The following RIMS1 variants were observed in gnomAD, a reference collection of about 807,000 sequenced individuals.
The protein encoded by RIMS1 is regulating synaptic membrane exocytosis 1.
Under a neutral mutation model 214.1 loss-of-function variants are expected in RIMS1, and 83 were observed. The observed-to-expected ratio is 0.39, with a 90% CI of 0.32 to 0.47. The LOEUF (loss-of-function observed/expected upper bound fraction) is 0.47, where lower values mean the gene tolerates loss of function less well. Among genes scored for constraint, RIMS1 ranks in the 20% least tolerant of loss-of-function variants. The pLI, the probability that RIMS1 is intolerant of heterozygous loss-of-function variation, is 0.99. For synonymous variants in RIMS1, 793 were observed against 786.8 expected, an observed-to-expected ratio of 1.01 and a Z score of -0.13; for missense variants, 2,050 against 2,161.8, an observed-to-expected ratio of 0.95 and a Z score of 1.03.
intron 4 of RIMS1, among the ~76,000 whole-genome samples, chr6:72,119,727 A>G (rs1226225571): frequency 6.6e-6 from 1 of 151,688 alleles, no homozygotes; most frequent in Non-Finnish European, 1.5e-5. Context: ...ATATGTATAC[A>G]TGTACCATGT....
At chr6:72,294,620 G>C (rs1169389742) in intron 26 of RIMS1, among the ~76,000 whole-genome samples, 1 of 151,542 alleles carries the variant, frequency 6.6e-6, no homozygotes. Context: ...ATGTATGCCA[G>C]GACAATTTGA....
At chr6:72,006,288 A>G (rs1394297779) in intron 2 of RIMS1, among the ~76,000 whole-genome samples, 1 of 152,160 alleles carries the variant, frequency 6.6e-6, no homozygotes, top group Non-Finnish European at 1.5e-5. Flanking sequence ...GTTGCAACTT[A>G]GTTAGGGTTT....
chr6:72,098,029 G>A (rs2032355450), intron 3 of RIMS1, among the ~76,000 whole-genome samples: 2 of 152,152 alleles, frequency 1.3e-5, no homozygotes, highest in African/African-American at 4.8e-5. Context: ...TTACAAGCAT[G>A]TAGCTAAAGA....
intron 6 of RIMS1, among the ~76,000 whole-genome samples, chr6:72,219,710 C>G (rs556526985): frequency 6.6e-6 from 1 of 151,746 alleles, no homozygotes; most frequent in East Asian, 1.9e-4. Context: ...GGCTGTTAGC[C>G]CTGCAATGTT....
chr6:71,971,040 G>A (rs550650103), intron 2 of RIMS1, among the ~76,000 whole-genome samples: 5 of 152,160 alleles, frequency 3.3e-5, no homozygotes, highest in African/African-American at 1.2e-4. Flanking sequence ...AAAAATAAAA[G>A]ATAATAGAAA....
In RIMS1 at chr6:72,242,421, G is replaced by C. The variant is rs1347951177; in HGVS notation, c.2065G>C (p.Val689Leu). The C allele has an allele frequency of 6.4e-6, 10 of 1,558,832 alleles. No individual in the cohort carries two copies. Among genetic ancestry groups the C allele is most frequent in the Non-Finnish European group, 7.0e-6 (8 of 1,149,784 alleles). The change falls in exon 10 of 34, where the codon GTT becomes CTT. Residue 689 changes from valine to leucine, a missense_variant. Transcript: ENST00000521978. ...ATCAGAACCTCAAGTTGAAATTATT[G>C]TTTCAAGGCCTATTGGGTAAGGCTA... ...SKSEPQVEIIVSRPIGDIPRI... is the reference protein window; with the variant it reads ...SKSEPQVEIILSRPIGDIPRI...
At chr6:71,974,957 G>A (rs1287202246) in intron 2 of RIMS1, among the ~76,000 whole-genome samples, 3 of 151,960 alleles carry the variant, frequency 2.0e-5, no homozygotes, top group Non-Finnish European at 4.4e-5. Flanking sequence ...GAATATAAAC[G>A]GGTGATGGGT....
At chr6:72,297,273 G>A (rs1335295153) in intron 26 of RIMS1, among the ~76,000 whole-genome samples, 1 of 151,868 alleles carries the variant, frequency 6.6e-6, no homozygotes, top group Non-Finnish European at 1.5e-5. Flanking sequence ...ATTAGATTCA[G>A]TAGTACAAGA....
At position 72,024,900 on chromosome 6, in the gene RIMS1, G is replaced by GTTTTTTTTTTTTTTTTTTTT. The variant is rs777214787; in HGVS notation, c.245+55841_245+55860dup. On this transcript the variant is annotated intron_variant, in intron 2 of 33. Coordinates refer to ENST00000521978, the MANE Select transcript of RIMS1 (RefSeq NM_014989.7). ...AACTCAGGATTCTTAAAATCTGTGG[G>GTTTTTTTTTTTTTTTTTTTT]TTTTTTTTTTTTTTTTTTTTTTTGA... is the stretch of plus-strand genomic sequence containing the variant. Among the ~76,000 whole-genome samples, 24 of 98,664 alleles carry GTTTTTTTTTTTTTTTTTTTT rather than the reference G, an allele frequency of 2.4e-4. 1 individual carries two copies. Among genetic ancestry groups the GTTTTTTTTTTTTTTTTTTTT allele is most frequent in the African/African-American group, 8.6e-4 (23 of 26,620 alleles). The allele number at this position is 98,664 out of a possible 152,430, so 64.7% of individuals were successfully genotyped here. A position where few individuals can be genotyped will look rare whatever the true frequency, so the allele number is the denominator to read the frequency against.
chr6:72,127,972 T>A (rs924710968), intron 4 of RIMS1, among the ~76,000 whole-genome samples: 5 of 152,164 alleles, frequency 3.3e-5, no homozygotes, highest in African/African-American at 4.8e-5. Context: ...GCACATAGTT[T>A]GCCCTAAATT....
chr6:72,144,390 A>C (rs1049095540), intron 4 of RIMS1, among the ~76,000 whole-genome samples: 2 of 152,208 alleles, frequency 1.3e-5, no homozygotes, highest in Non-Finnish European at 2.9e-5. Flanking sequence ...TCCTGTCTTC[A>C]TGAAATATCA....
intron 2 of RIMS1, among the ~76,000 whole-genome samples, chr6:72,065,686 AG>A (rs1472492462): frequency 2.0e-5 from 3 of 152,296 alleles, no homozygotes; most frequent in Non-Finnish European, 4.4e-5. Flanking sequence ...CATATGAGGA[AG>A]ATTCAATTAT....
At chr6:72,003,606 G>T (rs576385) in intron 2 of RIMS1, among the ~76,000 whole-genome samples, 33,125 of 151,854 alleles carry the variant, frequency 0.22, 4,420 homozygotes, top group East Asian at 0.33. Context: ...TTGCAGGTGT[G>T]TGTCTGTGTG....
At chr6:72,277,220 T>C (rs1378990238) in intron 23 of RIMS1, among the ~76,000 whole-genome samples, 2 of 152,174 alleles carry the variant, frequency 1.3e-5, no homozygotes, top group African/African-American at 2.4e-5. Context: ...ACAGTAAGCA[T>C]TCTCAGTTTT....
intron 2 of RIMS1, among the ~76,000 whole-genome samples, chr6:72,067,743 T>A (rs1259936531): frequency 6.6e-6 from 1 of 152,216 alleles, no homozygotes; most frequent in Non-Finnish European, 1.5e-5. Flanking sequence ...AAAATAAGAA[T>A]AAATGAATAA....
intron 2 of RIMS1, among the ~76,000 whole-genome samples, chr6:72,095,082 G>A (rs2030948742): frequency 6.7e-6 from 1 of 149,574 alleles, no homozygotes. Flanking sequence ...CTCCCAAGTA[G>A]CAGGGACTAC....
intron 2 of RIMS1, among the ~76,000 whole-genome samples, chr6:72,013,261 G>T (rs929846126): frequency 6.6e-6 from 1 of 151,834 alleles, no homozygotes; most frequent in Non-Finnish European, 1.5e-5. Flanking sequence ...ATTGGTCTTT[G>T]CCCATGAAAA....
At chr6:72,391,356 T>C (rs2098699284) in intron 30 of RIMS1, among the ~76,000 whole-genome samples, 1 of 151,176 alleles carries the variant, frequency 6.6e-6, no homozygotes. Context: ...CTTTTTCTTT[T>C]TTTTTTTTTT....
At chr6:72,084,304 T>C (rs965855025) in intron 2 of RIMS1, among the ~76,000 whole-genome samples, 1 of 152,224 alleles carries the variant, frequency 6.6e-6, no homozygotes, top group Non-Finnish European at 1.5e-5. Flanking sequence ...TCTTAAAACT[T>C]ACTTCATTCC....
Sources: gnomAD v4.1 joint callset for allele counts (sites outside exome capture counted in the v4.1 genomes callset) on GRCh38, gnomAD v4.1.1 for gene constraint, MANE v1.5 for transcripts, NCBI Gene and HGNC (gene_info 2026-07-23, HGNC 2026-07-21) for gene names.